The following RPAP2 variants were observed in gnomAD, a reference collection of about 807,000 sequenced individuals.
RPAP2 encodes RNA polymerase II associated protein 2, also known as putative RNA polymerase II subunit B1 CTD phosphatase RPAP2.
RPAP2 carries 52 observed loss-of-function variants against 73.1 expected under a neutral mutation model. The observed-to-expected ratio is 0.71, with a 90% CI of 0.57 to 0.90. RPAP2 has a LOEUF of 0.90. Ranked by LOEUF, RPAP2 falls within the 40% of genes least tolerant of loss-of-function variation. The pLI is 0.00. For missense variants in RPAP2, 598 were observed against 701.8 expected, an observed-to-expected ratio of 0.85 and a Z score of 1.67; for synonymous variants, 225 against 242.1, an observed-to-expected ratio of 0.93 and a Z score of 0.65.
intron 11 of RPAP2, among the ~76,000 whole-genome samples, chr1:92,371,316 AAAAATATATAT>A (rs1655140146): frequency 2.6e-5 from 1 of 39,032 alleles, no homozygotes; most frequent in Admixed American, 2.9e-4. Flanking sequence ...AAAAAAAAAA[AAAAATATATAT>A]ATATATATAT....
intron 8 of RPAP2, among the ~76,000 whole-genome samples, chr1:92,327,542 G>A (rs955733948): frequency 2.0e-5 from 3 of 152,164 alleles, no homozygotes; most frequent in African/African-American, 7.2e-5. Flanking sequence ...AAGTTTATGT[G>A]AATCCTTATG....
Position 92,301,603 on chromosome 1 carries a change from T to C in RPAP2, c.234+13T>C, listed in dbSNP as rs370748104. ...CCTAATGGAGTGTGTATGTGTTAAGTTGACAAATTATTAGTTTTGTAGTAT... is the reference window on the plus strand; with the variant it reads ...CCTAATGGAGTGTGTATGTGTTAAGCTGACAAATTATTAGTTTTGTAGTAT... On this transcript the variant is annotated intron_variant, in intron 3 of 12. Transcript: ENST00000610020. 4.4e-6 allele frequency: 5 copies of C among 1,126,750 alleles called. No individual in the cohort carries two copies. Among genetic ancestry groups the C allele is most frequent in the African/African-American group, 3.2e-5 (2 of 61,556 alleles). 69.8% of individuals were successfully genotyped at this position (1,126,750 alleles called of 1,614,324 possible).
chr1:92,330,121 T>C (rs545801281), intron 8 of RPAP2, among the ~76,000 whole-genome samples: 24 of 152,326 alleles, frequency 1.6e-4, no homozygotes, highest in African/African-American at 5.8e-4. Flanking sequence ...TTTCTTATTC[T>C]TCATTGGCAA....
chr1:92,321,107 A>C (rs1024606756), intron 7 of RPAP2, among the ~76,000 whole-genome samples: 24 of 151,352 alleles, frequency 1.6e-4, no homozygotes, highest in African/African-American at 5.9e-4. Context: ...GACCATGGCC[A>C]TCTCTCAAAA....
rs1655373686 is a variant in RPAP2, at chr1:92,376,017, A to C, written c.1689-4707A>C. Among the ~76,000 whole-genome samples, 4 of 151,926 alleles carry C rather than the reference A, an allele frequency of 2.6e-5. No homozygotes were observed. In the South Asian group the frequency reaches 8.3e-4, roughly 32 times the overall value. ...TCTGTCTCAAAAAAAAAAAAAAAAA[A>C]ATTAAAATATTCAGGGAAAGAAAAA... On this transcript the variant is annotated intron_variant, in intron 11 of 12. Transcript: ENST00000610020.
intron 9 of RPAP2, 121 bp downstream of exon 9, chr1:92,333,594 C>T (rs1487537): frequency 0.84 from 614,875 of 729,380 alleles, 260,987 homozygotes; most frequent in East Asian, 1. Context: ...GTGAAAAGTT[C>T]ACATGGATTT....
intron 9 of RPAP2, among the ~76,000 whole-genome samples, chr1:92,334,411 A>C (rs1653149610): frequency 6.6e-6 from 1 of 152,198 alleles, no homozygotes; most frequent in African/African-American, 2.4e-5. Flanking sequence ...AGATGACACT[A>C]AGGAATTGTT....
chr1:92,339,338 C>A (rs1653471612), intron 10 of RPAP2, among the ~76,000 whole-genome samples: 1 of 150,086 alleles, frequency 6.7e-6, no homozygotes, highest in African/African-American at 2.5e-5. Flanking sequence ...AACCGCCCCC[C>A]AATCCCCCAA....
chr1:92,330,669 C>T (rs1393714037), intron 8 of RPAP2, among the ~76,000 whole-genome samples: 2 of 151,976 alleles, frequency 1.3e-5, no homozygotes, highest in African/African-American at 2.4e-5. Flanking sequence ...CCAGGTTGGT[C>T]TCGAACTCGT....
intron 11 of RPAP2, among the ~76,000 whole-genome samples, chr1:92,356,086 T>C (rs541997534): frequency 9.2e-5 from 14 of 152,320 alleles, no homozygotes; most frequent in Non-Finnish European, 1.6e-4. Flanking sequence ...GAATCCTCAC[T>C]CCAACTGTGG....
intron 9 of RPAP2, among the ~76,000 whole-genome samples, chr1:92,335,409 A>T (rs1310991336): frequency 1.3e-5 from 2 of 152,200 alleles, no homozygotes; most frequent in Non-Finnish European, 2.9e-5. Flanking sequence ...ATAAAGTAAC[A>T]CATACTTTAG....
At chr1:92,336,234 C>A in intron 9 of RPAP2, 113 bp from the exon 10 acceptor site, 1 of 695,278 alleles carries the variant, frequency 1.4e-6, no homozygotes, top group South Asian at 1.7e-5. Context: ...TAAATCATGA[C>A]TGCTTCCATC....
At chr1:92,330,504 A>G (rs1418803890) in intron 8 of RPAP2, among the ~76,000 whole-genome samples, 2 of 127,646 alleles carry the variant, frequency 1.6e-5, no homozygotes, top group African/African-American at 3.1e-5. Flanking sequence ...CTGGAGTGCA[A>G]TGGTGCCATC....
chr1:92,299,099 C>T lies in RPAP2; in HGVS notation c.26C>T (p.Ser9Phe), dbSNP rs189395000. The change falls in exon 1 of 13, where the codon TCT becomes TTT. Residue 9 changes from serine to phenylalanine, a missense_variant. Physicochemically the swap from Ser to Phe is radical, Grantham distance 155. Transcript: ENST00000610020. ...ATGGCGGACTTCGCTGGGCCGTCTT[C>T]TGCCGGCCGCAAGGCCGGGGCTCCC... MADFAGPSSAGRKAGAPRC... is the reference protein window; with the variant it reads MADFAGPSFAGRKAGAPRC... The T allele has an allele frequency of 1.1e-4, 164 of 1,520,906 alleles. No homozygotes were observed. Among genetic ancestry groups the T allele is most frequent in the Non-Finnish European group, 1.4e-4 (159 of 1,131,206 alleles). The allele number at this position is 1,520,906 out of a possible 1,614,324, so 94.2% of individuals were successfully genotyped here. A position where few individuals can be genotyped will look rare whatever the true frequency, so the allele number is the denominator to read the frequency against.
At position 92,389,941 on chromosome 1, in the gene RPAP2, G is replaced by C. The variant is rs575051574; in HGVS notation, c.*2930G>C. The C allele has an allele frequency of 3.9e-5, 6 of 152,204 alleles. No homozygotes were observed. The East Asian group carries it at 1.2e-3, about 30-fold the overall frequency. 9.4% of individuals were successfully genotyped at this position (152,204 alleles called of 1,614,324 possible). On this transcript the variant is annotated 3_prime_UTR_variant, in exon 13 of 13. Coordinates refer to ENST00000610020, the MANE Select transcript of RPAP2 (RefSeq NM_024813.3). ...TGATTGGTGTACCTGAAAGTGATGG[G>C]GAGAACAGAACCAAGTTTGAAAACA...
chr1:92,300,973 C>T (rs1229220727), intron 2 of RPAP2, among the ~76,000 whole-genome samples: 2 of 152,122 alleles, frequency 1.3e-5, no homozygotes, highest in East Asian at 3.8e-4. Flanking sequence ...AAGGAAAAGA[C>T]TGTGATGTTA....
intron 11 of RPAP2, among the ~76,000 whole-genome samples, chr1:92,347,591 C>A (rs993532522): frequency 6.6e-6 from 1 of 152,028 alleles, no homozygotes; most frequent in Non-Finnish European, 1.5e-5. Context: ...CACATCTTAT[C>A]TAAAATATAT....
At chr1:92,345,764 T>G in intron 10 of RPAP2, 82 bp from the exon 11 acceptor site, 1 of 879,858 alleles carries the variant, frequency 1.1e-6, no homozygotes, top group Non-Finnish European at 1.8e-6. Flanking sequence ...GGCACATTAT[T>G]ATAAATCTGA....
intron 11 of RPAP2, among the ~76,000 whole-genome samples, chr1:92,361,677 A>C (rs915271294): frequency 6.6e-6 from 1 of 152,174 alleles, no homozygotes; most frequent in African/African-American, 2.4e-5. Flanking sequence ...TTGCAAATAC[A>C]ATTTTTATAA....
Sources: allele counts gnomAD v4.1 joint callset (sites outside exome capture counted in the v4.1 genomes callset), GRCh38; gene constraint gnomAD v4.1.1; transcripts MANE v1.5; gene names NCBI Gene and HGNC (gene_info 2026-07-23, HGNC 2026-07-21).